The following ROBO2 variants were observed in gnomAD, a reference collection of about 807,000 sequenced individuals.
The protein encoded by ROBO2 is roundabout guidance receptor 2.
In ROBO2, 53 loss-of-function variants were observed where a neutral mutation model predicts 160.8. The ratio of observed to expected loss-of-function variants is 0.33; its 90% CI spans 0.26 to 0.41. The LOEUF (loss-of-function observed/expected upper bound fraction) is 0.41, where lower values mean the gene tolerates loss of function less well. Ranked by LOEUF, ROBO2 falls within the 10% of genes least tolerant of loss-of-function variation. The pLI, the probability that ROBO2 is intolerant of heterozygous loss-of-function variation, is 1.00. For missense variants in ROBO2, 1,577 were observed against 1,722.4 expected (o/e 0.92, Z 1.49); for synonymous variants, 664 against 611.7 (o/e 1.09, Z -1.26).
At chr3:77,410,594 T>C (rs915628650) in intron 2 of ROBO2, among the ~76,000 whole-genome samples, 41 of 112,312 alleles carry the variant, frequency 3.7e-4, no homozygotes, top group Middle Eastern at 6.0e-3. Context: ...CCTCCTCCTC[T>C]TCCTCCTCCT....
At chr3:76,944,686 A>C (rs1437675874) in intron 2 of ROBO2, among the ~76,000 whole-genome samples, 2 of 152,174 alleles carry the variant, frequency 1.3e-5, no homozygotes, top group East Asian at 3.9e-4. Context: ...GCCATGCATA[A>C]AGCTTAGACA....
intron 2 of ROBO2, among the ~76,000 whole-genome samples, chr3:76,707,655 T>C (rs112263764): frequency 0.011 from 1,591 of 151,438 alleles, 28 homozygotes; most frequent in African/African-American, 0.036. Context: ...ATTTTCATTC[T>C]CTGTGTTCAT....
In ROBO2 at chr3:75,945,126, T is replaced by C. The variant is rs1576248923; in HGVS notation, c.109+7524T>C. ...AGTGTTTACTTTGGGTCAAGAATTATTGAGTGAAGGAAATTGACCAAAACT... is the reference window on the plus strand; with the variant it reads ...AGTGTTTACTTTGGGTCAAGAATTACTGAGTGAAGGAAATTGACCAAAACT... On this transcript the variant is annotated intron_variant, in intron 2 of 26. Transcript: ENST00000487694. Among the ~76,000 whole-genome samples, 3 of 152,170 alleles carry C rather than the reference T, an allele frequency of 2.0e-5. No individual in the cohort carries two copies. The East Asian group carries it at 5.8e-4, about 29-fold the overall frequency.
intron 2 of ROBO2, among the ~76,000 whole-genome samples, chr3:76,872,556 T>G (rs538768028): frequency 6.6e-6 from 1 of 152,076 alleles, no homozygotes; most frequent in South Asian, 2.1e-4. Context: ...TCTTATTACA[T>G]TCCAAAAAAG....
chr3:76,772,313 T>C (rs113308442), intron 2 of ROBO2, among the ~76,000 whole-genome samples: 147 of 150,960 alleles, frequency 9.7e-4, no homozygotes, highest in African/African-American at 3.4e-3. Flanking sequence ...CAATATGTTT[T>C]AAAAAATTAG....
At chr3:76,103,579 T>C (rs957979375) in intron 2 of ROBO2, among the ~76,000 whole-genome samples, 1 of 152,218 alleles carries the variant, frequency 6.6e-6, no homozygotes, top group African/African-American at 2.4e-5. Context: ...GTTTTTATAC[T>C]GATTACGTTT....
At chr3:76,368,671 T>G (rs1659795923) in intron 2 of ROBO2, among the ~76,000 whole-genome samples, 1 of 151,976 alleles carries the variant, frequency 6.6e-6, no homozygotes, top group African/African-American at 2.4e-5. Flanking sequence ...TCTTAAGACC[T>G]GGACCCAGAA....
intron 2 of ROBO2, among the ~76,000 whole-genome samples, chr3:76,298,639 T>C (rs2107731125): frequency 6.6e-6 from 1 of 152,344 alleles, no homozygotes; most frequent in East Asian, 1.9e-4. Flanking sequence ...AAATCTGTTA[T>C]CTTGTTTAAC....
intron 2 of ROBO2, among the ~76,000 whole-genome samples, chr3:76,040,711 G>T (rs926490382): frequency 2.0e-5 from 3 of 151,982 alleles, no homozygotes; most frequent in Admixed American, 1.3e-4. Flanking sequence ...CTCTCTGCTG[G>T]GCATGGGGGC....
At chr3:76,828,511 T>C (rs1463045419) in intron 2 of ROBO2, among the ~76,000 whole-genome samples, 1 of 152,154 alleles carries the variant, frequency 6.6e-6, no homozygotes, top group Non-Finnish European at 1.5e-5. Context: ...CTGTAAAATT[T>C]GTCAGAGCAC....
At chr3:76,702,779 A>C (rs545489788) in intron 2 of ROBO2, among the ~76,000 whole-genome samples, 2 of 152,214 alleles carry the variant, frequency 1.3e-5, no homozygotes, top group South Asian at 2.1e-4. Context: ...GGGAGGAAGG[A>C]GATAAAACAA....
At chr3:76,688,529 A>G (rs11917088) in intron 2 of ROBO2, among the ~76,000 whole-genome samples, 82,778 of 151,366 alleles carry the variant, frequency 0.55, 23,512 homozygotes, top group East Asian at 0.78. Context: ...AAAGTATGAA[A>G]TAACTAAGCA....
chr3:77,255,956 T>C (rs929387205), intron 2 of ROBO2, among the ~76,000 whole-genome samples: 3 of 152,206 alleles, frequency 2.0e-5, no homozygotes, highest in African/African-American at 7.2e-5. Flanking sequence ...ATGGGTTACT[T>C]CCGCTTATAC....
chr3:77,035,468 GAAGA>G (rs1422960871), upstream of ROBO2, among the ~76,000 whole-genome samples: 1 of 149,034 alleles, frequency 6.7e-6, no homozygotes, highest in Non-Finnish European at 1.5e-5. Flanking sequence ...GACTCTAAAG[GAAGA>G]AAGATTTTCT....
At chr3:77,442,082 G>A (rs1341944397) in intron 2 of ROBO2, among the ~76,000 whole-genome samples, 1 of 152,156 alleles carries the variant, frequency 6.6e-6, no homozygotes, top group East Asian at 1.9e-4. Context: ...GGAGGCCTAG[G>A]CAGGCGGATC....
At chr3:77,243,966 A>G (rs902567516) in intron 2 of ROBO2, among the ~76,000 whole-genome samples, 1 of 152,198 alleles carries the variant, frequency 6.6e-6, no homozygotes, top group African/African-American at 2.4e-5. Context: ...TGTGTTTTTC[A>G]TAGTATAGGA....
chr3:77,087,919 A>G (rs539723452), intron 1 of ROBO2, among the ~76,000 whole-genome samples: 57 of 152,074 alleles, frequency 3.7e-4, no homozygotes, highest in Non-Finnish European at 5.6e-4. Flanking sequence ...ATTCATATAT[A>G]TATTCTTAGT....
At chr3:77,437,035 A>G (rs963580143) in intron 2 of ROBO2, among the ~76,000 whole-genome samples, 2 of 152,024 alleles carry the variant, frequency 1.3e-5, no homozygotes, top group Admixed American at 6.6e-5. Flanking sequence ...TCTGCATTAA[A>G]ATATGACAAA....
At chr3:77,138,355 C>A (rs1323529720) in intron 2 of ROBO2, among the ~76,000 whole-genome samples, 2 of 152,160 alleles carry the variant, frequency 1.3e-5, no homozygotes, top group Non-Finnish European at 2.9e-5. Context: ...TGTTAATTTA[C>A]CAAACTACTT....
Sources: gnomAD v4.1 joint callset for allele counts (sites outside exome capture counted in the v4.1 genomes callset) on GRCh38, gnomAD v4.1.1 for gene constraint, MANE v1.5 for transcripts, NCBI Gene and HGNC (gene_info 2026-07-23, HGNC 2026-07-21) for gene names.